Variants in SH3GLB1 observed in about 807,000 individuals in gnomAD.
SH3GLB1 encodes the protein endophilin-B1.
A neutral mutation model predicts 42.0 loss-of-function variants in SH3GLB1; 17 were observed. The observed-to-expected ratio is 0.40, with a 90% CI of 0.28 to 0.61. The LOEUF is 0.61. SH3GLB1 is among the 20% of genes least tolerant of loss of function. The pLI is 0.36. For missense variants in SH3GLB1, 355 were observed against 426.3 expected (o/e 0.83, Z 1.47); for synonymous variants, 132 against 146.6 (o/e 0.90, Z 0.72).
intron 5 of SH3GLB1, among the ~76,000 whole-genome samples, chr1:86,733,206 A>G (rs1464679996): frequency 1.3e-5 from 2 of 152,166 alleles, no homozygotes; most frequent in African/African-American, 4.8e-5. Context: ...TTTAATTTCA[A>G]CTTCTGACTT....
At position 86,705,005 on chromosome 1, in the gene SH3GLB1, C is replaced by T. The variant is rs182308836; in HGVS notation, c.72+34C>T. On this transcript the variant is annotated intron_variant, in intron 1 of 8. Coordinates refer to ENST00000370558, the MANE Select transcript of SH3GLB1 (RefSeq NM_016009.5). ...GTGCTGGGGGGAAAAGGGGTGGCGG[C>T]GCCCGGGAAGGTTGAGGGAGGGGAC... The T allele has an allele frequency of 6.1e-3, 8,930 of 1,469,606 alleles. 38 individuals carry two copies. Among genetic ancestry groups the T allele is most frequent in the Non-Finnish European group, 7.9e-3 (8,526 of 1,081,914 alleles). The allele number at this position is 1,469,606 out of a possible 1,614,324, so 91.0% of individuals were successfully genotyped here.
intron 5 of SH3GLB1, among the ~76,000 whole-genome samples, chr1:86,724,874 T>TAAAAAAA (rs1165438979): frequency 2.2e-4 from 22 of 97,908 alleles, no homozygotes; most frequent in African/African-American, 5.4e-4. Flanking sequence ...ACCCTGTCTT[T>TAAAAAAA]AAAAAAAAAA....
chr1:86,732,748 C>T (rs1021332249), intron 5 of SH3GLB1, among the ~76,000 whole-genome samples: 1 of 152,072 alleles, frequency 6.6e-6, no homozygotes, highest in African/African-American at 2.4e-5. Context: ...ATTCAGTGTA[C>T]TTAGCATTAA....
chr1:86,742,310 TG>T lies in SH3GLB1; in HGVS notation c.866del (p.Gly289AlafsTer2). On this transcript the variant is annotated frameshift_variant, in exon 8 of 9. Transcript: ENST00000370558. LOFTEE classifies it high-confidence loss of function. Reference protein sequence around the residue: ...IGSSAMASTSGLVITSPSNLS... With the variant: ...IGSSAMASTSXLVITSPSNLS... ...GTTCTTCTGCCATGGCTTCAACAAG[TG>T]GCCTAGTAATCACCTCTCCTTCCAA... 1 of 1,614,140 alleles carries T rather than the reference TG, an allele frequency of 6.2e-7. No homozygotes were observed. The highest frequency in any genetic ancestry group is 8.5e-7 in the Non-Finnish European group (1 of 1,180,008).
At chr1:86,731,057 G>A (rs1570282112) in intron 5 of SH3GLB1, among the ~76,000 whole-genome samples, 1 of 152,284 alleles carries the variant, frequency 6.6e-6, no homozygotes, top group Non-Finnish European at 1.5e-5. Context: ...GAAGCTGTCT[G>A]TATGACTGCT....
chr1:86,706,373 G>A (rs1653869302), intron 1 of SH3GLB1, among the ~76,000 whole-genome samples: 1 of 152,186 alleles, frequency 6.6e-6, no homozygotes, highest in African/African-American at 2.4e-5. Flanking sequence ...TTTAGAGATG[G>A]TAAATTCCTT....
At chr1:86,729,292 T>A (rs570195879) in intron 5 of SH3GLB1, among the ~76,000 whole-genome samples, 1 of 152,282 alleles carries the variant, frequency 6.6e-6, no homozygotes, top group South Asian at 2.1e-4. Context: ...ATTGGCTGCT[T>A]TCATTCACTA....
intron 5 of SH3GLB1, among the ~76,000 whole-genome samples, chr1:86,733,571 G>C (rs939523779): frequency 6.6e-6 from 1 of 152,154 alleles, no homozygotes; most frequent in African/African-American, 2.4e-5. Flanking sequence ...TTCCCAATGG[G>C]AGAAAAGCTA....
intron 5 of SH3GLB1, among the ~76,000 whole-genome samples, chr1:86,726,036 C>A (rs936239794): frequency 9.2e-5 from 14 of 152,074 alleles, no homozygotes; most frequent in Middle Eastern, 3.4e-3. Context: ...ACCTTGAATT[C>A]TTTTATTAGT....
intron 5 of SH3GLB1, chr1:86,730,109 AAAGT>A: frequency 6.3e-7 from 1 of 1,594,826 alleles, no homozygotes. Flanking sequence ...GGAGGTGACA[AAAGT>A]AAGTAAATTA....
chr1:86,747,277 T>C lies in SH3GLB1; in HGVS notation c.*4042T>C, dbSNP rs1476023872. On this transcript the variant is annotated 3_prime_UTR_variant, in exon 9 of 9. Coordinates refer to ENST00000370558, the MANE Select transcript of SH3GLB1 (RefSeq NM_016009.5). The stretch of plus-strand genomic sequence containing the variant: ...ACATAGTATGAACTCAATAAATTTT[T>C]GTTGAATGAAAGAAAAATGCAAATT... The C allele has an allele frequency of 1.3e-5, 2 of 152,660 alleles. No individual in the cohort carries two copies. Among genetic ancestry groups the C allele is most frequent in the African/African-American group, 4.8e-5 (2 of 41,452 alleles). The allele number at this position is 152,660 out of a possible 1,614,324, so 9.5% of individuals were successfully genotyped here. A position where few individuals can be genotyped will look rare whatever the true frequency, so the allele number is the denominator to read the frequency against.
intron 5 of SH3GLB1, 160 bp from the exon 6 acceptor site, chr1:86,734,442 T>C (rs1235182325): frequency 1.7e-6 from 1 of 590,236 alleles, no homozygotes; most frequent in Admixed American, 3.0e-5. Flanking sequence ...AGCTAAGGTC[T>C]AGAAACCAGG....
chr1:86,708,474 A>T (rs995618887), intron 1 of SH3GLB1, among the ~76,000 whole-genome samples: 8 of 152,220 alleles, frequency 5.3e-5, no homozygotes, highest in African/African-American at 1.9e-4. Flanking sequence ...AAAATTAAAC[A>T]TGTTTCTTGT....
intron 5 of SH3GLB1, among the ~76,000 whole-genome samples, chr1:86,724,737 G>A (rs1037777900): frequency 1.3e-5 from 2 of 151,538 alleles, no homozygotes; most frequent in African/African-American, 4.9e-5. Flanking sequence ...GAACGGGCAT[G>A]GTGGCACCCA....
intron 2 of SH3GLB1, among the ~76,000 whole-genome samples, chr1:86,716,664 A>T (rs1014024386): frequency 2.0e-5 from 3 of 152,228 alleles, no homozygotes; most frequent in African/African-American, 4.8e-5. Context: ...AGTCAACTCA[A>T]TAATCTTGCA....
Position 86,704,987 on chromosome 1 carries a change from G to A in SH3GLB1, c.72+16G>A. The A allele has an allele frequency of 6.5e-7, 1 of 1,547,206 alleles. No individual in the cohort carries two copies. Among genetic ancestry groups the A allele is most frequent in the East Asian group, 2.6e-5 (1 of 38,660 alleles). On this transcript the variant is annotated intron_variant, in intron 1 of 8. Coordinates refer to ENST00000370558, the MANE Select transcript of SH3GLB1 (RefSeq NM_016009.5). ...CGCCGTGCAGGTACCCTGGTGCTGG[G>A]GGGAAAAGGGGTGGCGGCGCCCGGG...
chr1:86,725,213 C>A (rs1370152475), intron 5 of SH3GLB1, among the ~76,000 whole-genome samples: 1 of 151,302 alleles, frequency 6.6e-6, no homozygotes, highest in African/African-American at 2.4e-5. Context: ...AGATCAGTTC[C>A]CTTTCCACAC....
chr1:86,728,476 TA>T, intron 5 of SH3GLB1: 1 of 1,545,004 alleles, frequency 6.5e-7, no homozygotes, highest in Non-Finnish European at 8.7e-7. Context: ...TTCCTGCATG[TA>T]AAATGGCTGA....
At position 86,705,221 on chromosome 1, in the gene SH3GLB1, C is replaced by T. The variant is rs531713934; in HGVS notation, c.72+250C>T. 1.8e-3 allele frequency among the ~76,000 whole-genome samples: 270 copies of T among 152,270 alleles called. 1 individual carries two copies. The highest frequency in any genetic ancestry group is 2.9e-3 in the Non-Finnish European group (198 of 68,006). ...GACGGGGCCGGGAGCTTCCTCCCAC[C>T]CCTGGGGAACACTAAGGCTGCACTG... is the stretch of plus-strand genomic sequence containing the variant. On this transcript the variant is annotated intron_variant, in intron 1 of 8. Transcript: ENST00000370558.
Sources: gnomAD v4.1 joint callset for allele counts (sites outside exome capture counted in the v4.1 genomes callset) on GRCh38, gnomAD v4.1.1 for gene constraint, MANE v1.5 for transcripts, NCBI Gene and HGNC (gene_info 2026-07-23, HGNC 2026-07-21) for gene names.